Variants in CDYL observed in about 807,000 individuals in gnomAD.
CDYL encodes the protein chromodomain Y like, also known as chromodomain Y-like protein.
Under a neutral mutation model 47.3 loss-of-function variants are expected in CDYL, and 8 were observed. The ratio of observed to expected loss-of-function variants is 0.17; its 90% CI spans 0.10 to 0.31. The LOEUF (loss-of-function observed/expected upper bound fraction) is 0.31, where lower values mean the gene tolerates loss of function less well. Among genes scored for constraint, CDYL ranks in the 10% least tolerant of loss-of-function variants. The pLI is 1.00. For missense variants in CDYL, 471 were observed against 701.4 expected (o/e 0.67, Z 3.71); for synonymous variants, 266 against 265.0 (o/e 1.00, Z -0.04).
chr6:4,952,132 C>G, intron 5 of CDYL, 134 bp from the exon 6 acceptor site: 1 of 999,594 alleles, frequency 1.0e-6, no homozygotes. Context: ...CCAGCGGCCC[C>G]TAGAGGATGT....
At chr6:4,750,855 CTT>C (rs1445301601) in intron 3 of CDYL, among the ~76,000 whole-genome samples, 9 of 134,366 alleles carry the variant, frequency 6.7e-5, no homozygotes, top group Non-Finnish European at 1.1e-4. Context: ...TTTTTCTTTT[CTT>C]TTTTTTTTTT....
chr6:4,915,339 T>G (rs1209501275), intron 2 of CDYL, among the ~76,000 whole-genome samples: 1 of 152,256 alleles, frequency 6.6e-6, no homozygotes, highest in Admixed American at 6.5e-5. Flanking sequence ...ATATTAGGGT[T>G]GTTTTGGGTG....
chr6:4,727,623 T>G (rs574074398), intron 2 of CDYL, among the ~76,000 whole-genome samples: 1 of 115,846 alleles, frequency 8.6e-6, no homozygotes, highest in Non-Finnish European at 1.6e-5. Context: ...GAAATTAAAT[T>G]TCTCAACTAC....
Position 4,954,634 on chromosome 6 carries a change from A to G in CDYL, c.*578A>G, listed in dbSNP as rs1561730160. On this transcript the variant is annotated 3_prime_UTR_variant, in exon 7 of 7. Coordinates refer to ENST00000397588, the MANE Select transcript of CDYL (RefSeq NM_004824.4). The stretch of plus-strand genomic sequence containing the variant: ...ACTTCTGATGAAAAATCCGCTGAGG[A>G]GCATACCCCAAACCAGACATATGCT... The G allele has an allele frequency of 6.6e-6, 1 of 152,622 alleles. No individual in the cohort carries two copies. The highest frequency in any genetic ancestry group is 1.5e-5 in the Non-Finnish European group (1 of 68,046). 9.5% of individuals were successfully genotyped at this position (152,622 alleles called of 1,614,324 possible). A position where few individuals can be genotyped will look rare whatever the true frequency, so the allele number is the denominator to read the frequency against.
At chr6:4,710,171 G>A (rs1417591164) in intron 1 of CDYL, among the ~76,000 whole-genome samples, 1 of 152,148 alleles carries the variant, frequency 6.6e-6, no homozygotes, top group African/African-American at 2.4e-5. Context: ...GCAGTGAGCT[G>A]AGATCATGCC....
chr6:4,856,018 T>C (rs1247714424), intron 1 of CDYL, among the ~76,000 whole-genome samples: 4 of 152,234 alleles, frequency 2.6e-5, no homozygotes, highest in Non-Finnish European at 4.4e-5. Context: ...AATCAACTTC[T>C]GACACATTAA....
At chr6:4,748,961 A>G (rs978904157) in intron 3 of CDYL, among the ~76,000 whole-genome samples, 23 of 152,224 alleles carry the variant, frequency 1.5e-4, no homozygotes, top group African/African-American at 5.3e-4. Flanking sequence ...AGCAATCACC[A>G]AGCTCCTTCG....
At chr6:4,925,409 C>CTTTTTTTTTTTTTTT (rs58457972) in intron 2 of CDYL, among the ~76,000 whole-genome samples, 1 of 109,300 alleles carries the variant, frequency 9.1e-6, no homozygotes, top group Non-Finnish European at 1.7e-5. Flanking sequence ...ATTCTTTTTT[C>CTTTTTTTTTTTTTTT]TTTTTTTTTT....
intron 4 of CDYL, among the ~76,000 whole-genome samples, chr6:4,940,909 A>T (rs1429300591): frequency 1.3e-5 from 2 of 152,236 alleles, no homozygotes; most frequent in African/African-American, 2.4e-5. Flanking sequence ...GACCTCAGCC[A>T]TGGAAAGCAG....
chr6:4,873,420 A>G (rs1761529867), intron 1 of CDYL, among the ~76,000 whole-genome samples: 1 of 152,154 alleles, frequency 6.6e-6, no homozygotes, highest in Admixed American at 6.5e-5. Context: ...TTGGGGAGGA[A>G]GAGAATAACA....
At chr6:4,723,554 C>A (rs957475606) in intron 2 of CDYL, among the ~76,000 whole-genome samples, 1 of 152,158 alleles carries the variant, frequency 6.6e-6, no homozygotes, top group Non-Finnish European at 1.5e-5. Context: ...GCAGAGGAGG[C>A]TGTCCAACCT....
chr6:4,726,518 C>T (rs1034812062), intron 2 of CDYL, among the ~76,000 whole-genome samples: 3 of 135,712 alleles, frequency 2.2e-5, no homozygotes, highest in Non-Finnish European at 4.6e-5. Flanking sequence ...GGGGACAGGG[C>T]GAGACTCTGT....
intron 1 of CDYL, among the ~76,000 whole-genome samples, chr6:4,800,157 T>C (rs1185016021): frequency 1.3e-5 from 2 of 152,160 alleles, no homozygotes; most frequent in African/African-American, 2.4e-5. Flanking sequence ...TTAAAGTAAT[T>C]ATTAATATGG....
chr6:4,723,504 C>T (rs1263724831), intron 2 of CDYL, among the ~76,000 whole-genome samples: 3 of 152,126 alleles, frequency 2.0e-5, no homozygotes, highest in African/African-American at 7.2e-5. Flanking sequence ...AGAGAAGCAT[C>T]CTGGGCTAGC....
chr6:4,725,690 C>G (rs957971018), intron 2 of CDYL, among the ~76,000 whole-genome samples: 1 of 152,246 alleles, frequency 6.6e-6, no homozygotes, highest in Non-Finnish European at 1.5e-5. Context: ...GCCTCTCCCT[C>G]CACACCTTCC....
intron 1 of CDYL, chr6:4,706,315 T>TAC (rs1225353054): frequency 1.3e-5 from 2 of 152,152 alleles, no homozygotes; most frequent in Admixed American, 1.3e-4. Context: ...CATCCCGGCT[T>TAC]CAACCAAAAG....
intron 2 of CDYL, among the ~76,000 whole-genome samples, chr6:4,727,291 G>A (rs975635116): frequency 3.9e-5 from 6 of 152,108 alleles, no homozygotes; most frequent in Admixed American, 2.0e-4. Flanking sequence ...TTGTCCAAAA[G>A]TGTCATACAT....
intron 1 of CDYL, among the ~76,000 whole-genome samples, chr6:4,835,864 G>C (rs1377305886): frequency 6.6e-6 from 1 of 152,184 alleles, no homozygotes. Context: ...GACTCCGTGG[G>C]CGCAGGACCC....
At chr6:4,886,740 G>A (rs147079553) in intron 1 of CDYL, among the ~76,000 whole-genome samples, 127 of 151,088 alleles carry the variant, frequency 8.4e-4, no homozygotes, top group African/African-American at 2.9e-3. Context: ...TTTTTCTTTC[G>A]TTGCCATTGC....
Sources: gnomAD v4.1 joint callset for allele counts (sites outside exome capture counted in the v4.1 genomes callset) on GRCh38, gnomAD v4.1.1 for gene constraint, MANE v1.5 for transcripts, NCBI Gene and HGNC (gene_info 2026-07-23, HGNC 2026-07-21) for gene names.